Variants in AHI1 observed in about 807,000 individuals in gnomAD.
AHI1 encodes Abelson helper integration site 1.
AHI1 carries 123 observed loss-of-function variants against 149.3 expected under a neutral mutation model. That is an observed-to-expected ratio of 0.82 (90% CI 0.71 to 0.96). The LOEUF is 0.96. AHI1 is among the 40% of genes least tolerant of loss of function. The probability of loss-of-function intolerance (pLI) is 0.00; values close to 1 mark genes in which losing one functional copy is unlikely to be tolerated. For missense variants in AHI1, 1,439 were observed against 1,422.7 expected, an observed-to-expected ratio of 1.01 and a Z score of -0.18; for synonymous variants, 475 against 459.8, an observed-to-expected ratio of 1.03 and a Z score of -0.42.
rs1284262808 is a variant in AHI1 at position 135,318,627 on chromosome 6, A to G, written c.3329-11T>C. On this transcript the variant is annotated splice_polypyrimidine_tract_variant and intron_variant, in intron 25 of 28. Coordinates refer to ENST00000265602, the MANE Select transcript of AHI1 (RefSeq NM_001134831.2). ...GTTCTTGATACAGTGCTGAAATTGG[A>G]AAAAGGAATTCATGTAATCAAATTG... 1 of 1,562,870 alleles carries G rather than the reference A, an allele frequency of 6.4e-7. No individual in the cohort carries two copies. Among genetic ancestry groups the G allele is most frequent in the East Asian group, 2.3e-5 (1 of 44,232 alleles).
In AHI1 at chr6:135,420,138, C is replaced by T. The variant is rs561528919; in HGVS notation, c.2764+7029G>A. On this transcript the variant is annotated intron_variant, in intron 20 of 28. Transcript: ENST00000265602. ...CACTTCCTTCATTGAAGTCTTGAAG[C>T]CCTCAGAGTCATCCATGGGGGTTGG... Among the ~76,000 whole-genome samples, 9 of 152,192 alleles carry T rather than the reference C, an allele frequency of 5.9e-5. No homozygotes were observed. In the South Asian group the frequency reaches 1.9e-3, roughly 32 times the overall value.
chr6:135,387,991 T>C, intron 23 of AHI1: 1 of 1,613,800 alleles, frequency 6.2e-7, no homozygotes, highest in Non-Finnish European at 8.5e-7. Context: ...CTAGTGCTTT[T>C]TCCACCATAA....
rs1013002155 is a variant in AHI1 at position 135,433,425 on chromosome 6, T to C, written c.2037-169A>G. Reference sequence around the variant, plus strand: ...AATATAATGATGATCTCATATTTGATGACTGGAATTTTCACATGTGACAAA... The same window carrying C: ...AATATAATGATGATCTCATATTTGACGACTGGAATTTTCACATGTGACAAA... On this transcript the variant is annotated intron_variant, in intron 15 of 28. Coordinates refer to ENST00000265602, the MANE Select transcript of AHI1 (RefSeq NM_001134831.2). Among the ~76,000 whole-genome samples, 6 of 152,160 alleles carry C rather than the reference T, an allele frequency of 3.9e-5. No individual in the cohort carries two copies. The South Asian group carries it at 1.2e-3, about 32-fold the overall frequency.
chr6:135,392,463 A>G (rs1193063318), intron 23 of AHI1, among the ~76,000 whole-genome samples: 2 of 152,136 alleles, frequency 1.3e-5, no homozygotes, highest in East Asian at 3.8e-4. Context: ...CCCTACTCTT[A>G]AGTCTCCTAG....
chr6:135,344,006 G>A (rs906051172), intron 24 of AHI1, among the ~76,000 whole-genome samples: 6 of 151,918 alleles, frequency 3.9e-5, no homozygotes, highest in South Asian at 2.1e-4. Context: ...GTCAACCTTC[G>A]GTACCCTTGG....
chr6:135,471,148 A>G (rs1442333358), intron 5 of AHI1, among the ~76,000 whole-genome samples: 1 of 152,230 alleles, frequency 6.6e-6, no homozygotes, highest in Non-Finnish European at 1.5e-5. Context: ...AGAATTAGAA[A>G]GAGAAGAAAG....
At position 135,411,641 on chromosome 6, in the gene AHI1, A is replaced by T. The variant is rs964695697; in HGVS notation, c.2765-97T>A. ...TCAACAAATAATCAGAAACTGCATA[A>T]CACATCTTAAAAACTGGGTAATAAT... On this transcript the variant is annotated intron_variant, in intron 20 of 28. Transcript: ENST00000265602. The T allele has an allele frequency of 3.1e-6, 3 of 979,260 alleles. No homozygotes were observed. The African/African-American group carries it at 5.0e-5, about 16-fold the overall frequency. 60.7% of individuals were successfully genotyped at this position (979,260 alleles called of 1,614,324 possible). A position where few individuals can be genotyped will look rare whatever the true frequency, so the allele number is the denominator to read the frequency against.
At chr6:135,439,801 C>G (rs1785991148) in intron 14 of AHI1, among the ~76,000 whole-genome samples, 1 of 152,108 alleles carries the variant, frequency 6.6e-6, no homozygotes, top group Non-Finnish European at 1.5e-5. Flanking sequence ...GGGTTCAGTA[C>G]TACTTGAGGT....
At chr6:135,414,330 C>A (rs888891999) in intron 20 of AHI1, among the ~76,000 whole-genome samples, 1 of 152,036 alleles carries the variant, frequency 6.6e-6, no homozygotes, top group Non-Finnish European at 1.5e-5. Context: ...ATGTAAAACC[C>A]AAAGCTGTAA....
chr6:135,464,705 G>A (rs896494259), intron 7 of AHI1, among the ~76,000 whole-genome samples: 9 of 152,116 alleles, frequency 5.9e-5, no homozygotes, highest in East Asian at 1.9e-4. Context: ...CTGGTATACC[G>A]GGCCCAAAGC....
chr6:135,300,597 T>C (rs201701787), intron 26 of AHI1, 39 bp from the exon 27 acceptor site: 87 of 1,574,742 alleles, frequency 5.5e-5, no homozygotes, highest in Non-Finnish European at 7.1e-5. Flanking sequence ...AAGTAAAAAA[T>C]GAGAAAAGAC....
intron 18 of AHI1, 23 bp from the exon 19 acceptor site, chr6:135,428,782 A>G (rs1344931741): frequency 6.3e-7 from 1 of 1,581,246 alleles, no homozygotes. Context: ...AAGATTTTAC[A>G]AATGTAACTG....
chr6:135,369,237 T>C (rs1264010869), intron 23 of AHI1, among the ~76,000 whole-genome samples: 1 of 152,186 alleles, frequency 6.6e-6, no homozygotes, highest in Non-Finnish European at 1.5e-5. Flanking sequence ...ACATTCCCTC[T>C]CTCACTCTTT....
In AHI1 at chr6:135,358,003, C is replaced by G; in HGVS notation, c.3165+129G>C. ...TCTAAGTTAACAACATTAATATGAACAAATCTTGCAGGGATATAACTTTTG... is the reference window on the plus strand; with the variant it reads ...TCTAAGTTAACAACATTAATATGAAGAAATCTTGCAGGGATATAACTTTTG... On this transcript the variant is annotated intron_variant, in intron 24 of 28. Coordinates refer to ENST00000265602, the MANE Select transcript of AHI1 (RefSeq NM_001134831.2). 6.9e-6 allele frequency: 5 copies of G among 724,072 alleles called. No individual in the cohort carries two copies. In the South Asian group the frequency reaches 8.9e-5, roughly 13 times the overall value. The allele number at this position is 724,072 out of a possible 1,614,324, so 44.9% of individuals were successfully genotyped here. A position where few individuals can be genotyped will look rare whatever the true frequency, so the allele number is the denominator to read the frequency against.
chr6:135,307,863 A>G (rs1022659241), intron 26 of AHI1, among the ~76,000 whole-genome samples: 1 of 152,152 alleles, frequency 6.6e-6, no homozygotes, highest in Non-Finnish European at 1.5e-5. Flanking sequence ...TTTGATTGTC[A>G]CAAGTGGGAA....
At chr6:135,389,259 C>T (rs1335465156) in intron 23 of AHI1, among the ~76,000 whole-genome samples, 9 of 146,276 alleles carry the variant, frequency 6.2e-5, no homozygotes, top group East Asian at 4.0e-4. Context: ...TGCAGTGAGC[C>T]GAGATCGTGC....
chr6:135,333,931 AT>A (rs1399367224), intron 24 of AHI1, among the ~76,000 whole-genome samples: 12 of 152,250 alleles, frequency 7.9e-5, no homozygotes, highest in African/African-American at 2.9e-4. Flanking sequence ...AATTTATTGG[AT>A]AACATCATAG....
chr6:135,360,167 C>G (rs531381876), intron 23 of AHI1, among the ~76,000 whole-genome samples: 6 of 152,200 alleles, frequency 3.9e-5, no homozygotes, highest in African/African-American at 1.2e-4. Flanking sequence ...ATTTGTATCT[C>G]ATTTCACTTT....
chr6:135,416,752 C>T (rs1039909697), intron 20 of AHI1, among the ~76,000 whole-genome samples: 1 of 152,094 alleles, frequency 6.6e-6, no homozygotes, highest in African/African-American at 2.4e-5. Flanking sequence ...TATTCATGTA[C>T]TATTTCATTC....
Sources: allele counts gnomAD v4.1 joint callset (sites outside exome capture counted in the v4.1 genomes callset), GRCh38; gene constraint gnomAD v4.1.1; transcripts MANE v1.5; gene names NCBI Gene and HGNC (gene_info 2026-07-23, HGNC 2026-07-21).